The following EMP2 variants were observed in gnomAD, a reference collection of about 807,000 sequenced individuals.
EMP2 encodes epithelial membrane protein 2.
In EMP2, 19 loss-of-function variants were observed where a neutral mutation model predicts 13.7. That is an observed-to-expected ratio of 1.38 (90% CI 0.97 to 2.03). The LOEUF is 2.03. EMP2 is among the 30% of genes most tolerant of loss of function. The pLI, the probability that EMP2 is intolerant of heterozygous loss-of-function variation, is 0.00. For missense variants in EMP2, 253 were observed against 220.7 expected (o/e 1.15, Z -0.93); for synonymous variants, 97 against 84.7 (o/e 1.15, Z -0.80).
At chr16:10,535,230 T>C (rs2050637981) in intron 4 of EMP2, among the ~76,000 whole-genome samples, 1 of 152,078 alleles carries the variant, frequency 6.6e-6, no homozygotes. Flanking sequence ...GAGGGCCAGG[T>C]CTTTGGACCA....
intron 1 of EMP2, among the ~76,000 whole-genome samples, chr16:10,551,655 C>A (rs549554640): frequency 6.6e-6 from 1 of 152,284 alleles, no homozygotes; most frequent in East Asian, 1.9e-4. Flanking sequence ...GATCTGCCTG[C>A]CTTGGTCTCC....
At chr16:10,543,274 G>A (rs1431810834) in intron 3 of EMP2, among the ~76,000 whole-genome samples, 1 of 152,274 alleles carries the variant, frequency 6.6e-6, no homozygotes, top group African/African-American at 2.4e-5. Flanking sequence ...GAGAGCTGAA[G>A]CTGGAGAAAG....
At chr16:10,577,560 CA>C (rs1596384703) in intron 1 of EMP2, among the ~76,000 whole-genome samples, 1 of 152,144 alleles carries the variant, frequency 6.6e-6, no homozygotes, top group African/African-American at 2.4e-5. Flanking sequence ...CTGTCACCAC[CA>C]CACCAATCCC....
At chr16:10,573,516 C>A (rs2050961977) in intron 1 of EMP2, among the ~76,000 whole-genome samples, 1 of 152,204 alleles carries the variant, frequency 6.6e-6, no homozygotes, top group Non-Finnish European at 1.5e-5. Flanking sequence ...CCTAACTGGT[C>A]CATCCATGGA....
intron 1 of EMP2, among the ~76,000 whole-genome samples, chr16:10,569,531 A>T (rs2050932503): frequency 1.3e-5 from 2 of 151,574 alleles, no homozygotes; most frequent in South Asian, 4.2e-4. Context: ...TGTTCCTTGA[A>T]CTAGTCTTGA....
chr16:10,560,757 G>C (rs1285957857), intron 1 of EMP2, among the ~76,000 whole-genome samples: 3 of 152,198 alleles, frequency 2.0e-5, no homozygotes, highest in Admixed American at 6.5e-5. Flanking sequence ...TCTAAGGATG[G>C]GCGGAGTGGT....
At chr16:10,559,799 C>A (rs891313611) in intron 1 of EMP2, among the ~76,000 whole-genome samples, 1 of 152,122 alleles carries the variant, frequency 6.6e-6, no homozygotes, top group Admixed American at 6.5e-5. Flanking sequence ...CTCAACCTCC[C>A]AAGTAGCTGG....
intron 1 of EMP2, among the ~76,000 whole-genome samples, chr16:10,578,498 T>C (rs2050999984): frequency 6.6e-6 from 1 of 152,192 alleles, no homozygotes; most frequent in East Asian, 1.9e-4. Flanking sequence ...TAGCCCCTCA[T>C]TAGCTAGACC....
At chr16:10,540,545 T>G (rs554755176) in intron 3 of EMP2, among the ~76,000 whole-genome samples, 8 of 97,104 alleles carry the variant, frequency 8.2e-5, no homozygotes, top group African/African-American at 4.1e-4. Context: ...TAAATAGATT[T>G]CTCTAAGGAC....
intron 1 of EMP2, among the ~76,000 whole-genome samples, chr16:10,562,788 C>A (rs1314496043): frequency 6.6e-6 from 1 of 152,174 alleles, no homozygotes; most frequent in African/African-American, 2.4e-5. Flanking sequence ...GGTTGCTCAG[C>A]AAATACTTGT....
intron 1 of EMP2, among the ~76,000 whole-genome samples, chr16:10,549,252 T>A (rs1187345193): frequency 6.6e-6 from 1 of 152,164 alleles, no homozygotes; most frequent in Non-Finnish European, 1.5e-5. Flanking sequence ...AAATTGGAAG[T>A]CTTACAACAG....
chr16:10,550,891 C>T (rs774816163), intron 1 of EMP2, among the ~76,000 whole-genome samples: 3 of 151,686 alleles, frequency 2.0e-5, no homozygotes, highest in Non-Finnish European at 4.4e-5. Context: ...AGGAGAATCA[C>T]TTGAACCCAG....
intron 1 of EMP2, among the ~76,000 whole-genome samples, chr16:10,558,796 G>A (rs2050851117): frequency 6.6e-6 from 1 of 152,068 alleles, no homozygotes; most frequent in Admixed American, 6.6e-5. Context: ...GGGAACAAGA[G>A]TCAGAGAGCC....
intron 4 of EMP2, among the ~76,000 whole-genome samples, chr16:10,537,047 G>C (rs1164617472): frequency 6.6e-6 from 1 of 152,156 alleles, no homozygotes; most frequent in East Asian, 1.9e-4. Context: ...AGGGCTGGAA[G>C]GAGGTGGTAG....
intron 3 of EMP2, among the ~76,000 whole-genome samples, chr16:10,542,223 C>G (rs1047721261): frequency 1.3e-5 from 2 of 152,090 alleles, no homozygotes; most frequent in Admixed American, 1.3e-4. Flanking sequence ...CATGGTGAAA[C>G]TCCATCTCTA....
intron 4 of EMP2, among the ~76,000 whole-genome samples, chr16:10,535,024 C>T (rs140418689): frequency 8.6e-4 from 131 of 152,326 alleles, no homozygotes; most frequent in African/African-American, 3.0e-3. Context: ...CTGACAGCAC[C>T]TCCCTGGAGC....
At chr16:10,578,536 G>A (rs1596385112) in intron 1 of EMP2, among the ~76,000 whole-genome samples, 1 of 152,184 alleles carries the variant, frequency 6.6e-6, no homozygotes, top group South Asian at 2.1e-4. Context: ...CAGCCAGAGC[G>A]GGTGCACCCC....
At chr16:10,547,982 C>A (rs1242741799) in intron 1 of EMP2, among the ~76,000 whole-genome samples, 1 of 152,110 alleles carries the variant, frequency 6.6e-6, no homozygotes, top group African/African-American at 2.4e-5. Context: ...CGCAGTGAGC[C>A]ATAATTGCGC....
chr16:10,543,443 G>T, intron 3 of EMP2, 127 bp downstream of exon 3: 1 of 1,053,648 alleles, frequency 9.5e-7, no homozygotes, highest in Non-Finnish European at 1.4e-6. Context: ...GAGCAAACGC[G>T]GCCAGGCCCA....
Sources: allele counts gnomAD v4.1 joint callset (sites outside exome capture counted in the v4.1 genomes callset), GRCh38; gene constraint gnomAD v4.1.1; transcripts MANE v1.5; gene names NCBI Gene and HGNC (gene_info 2026-07-23, HGNC 2026-07-21).